Variants in ANKH observed in about 807,000 individuals in gnomAD.
The protein encoded by ANKH is mineralization regulator ANKH.
A neutral mutation model predicts 49.0 loss-of-function variants in ANKH; 15 were observed. The observed-to-expected ratio is 0.31, with a 90% CI of 0.20 to 0.47. ANKH has a LOEUF of 0.47. Ranked by LOEUF, ANKH falls within the 20% of genes least tolerant of loss-of-function variation. ANKH has a pLI of 1.00. For missense variants in ANKH, 429 were observed against 652.0 expected, an observed-to-expected ratio of 0.66 and a Z score of 3.72; for synonymous variants, 273 against 260.0, an observed-to-expected ratio of 1.05 and a Z score of -0.48.
At chr5:14,812,693 A>G (rs895746587) in intron 1 of ANKH, among the ~76,000 whole-genome samples, 1 of 152,148 alleles carries the variant, frequency 6.6e-6, no homozygotes, top group Non-Finnish European at 1.5e-5. Context: ...CAAGTTCCTT[A>G]CCTTCCACCC....
intron 1 of ANKH, among the ~76,000 whole-genome samples, chr5:14,793,357 C>A (rs73050632): frequency 6.6e-6 from 1 of 151,742 alleles, no homozygotes; most frequent in Non-Finnish European, 1.5e-5. Flanking sequence ...AAAGACCTAA[C>A]CCCTAAATGT....
chr5:14,813,588 T>A (rs1354068989), intron 1 of ANKH, among the ~76,000 whole-genome samples: 29 of 152,166 alleles, frequency 1.9e-4, no homozygotes. Flanking sequence ...TGATCTGTAC[T>A]GACGTGTGCC....
chr5:14,722,470 G>A (rs762056555), intron 8 of ANKH, among the ~76,000 whole-genome samples: 3 of 152,176 alleles, frequency 2.0e-5, no homozygotes, highest in Non-Finnish European at 4.4e-5. Context: ...CCAAGGCAGA[G>A]AATATGCAAG....
rs1187823252 is a variant in ANKH, at chr5:14,745,464, AAGAC to A, written c.915+402_915+405del. On this transcript the variant is annotated intron_variant, in intron 7 of 11. Coordinates refer to ENST00000284268, the MANE Select transcript of ANKH (RefSeq NM_054027.6). The surrounding 1 kb of genome is among the most constrained non-coding windows in gnomAD (Gnocchi z 4.7). ...GCATGTAGGTAGGCCAGCCCACAGA[AAGAC>A]AGCCACGCACGGCTTCCTGCCTACA... Among the ~76,000 whole-genome samples, 7 of 152,090 alleles carry A rather than the reference AAGAC, an allele frequency of 4.6e-5. No homozygotes were observed. The highest frequency in any genetic ancestry group is 1.4e-4 in the African/African-American group (6 of 41,408).
chr5:14,855,207 G>A (rs1305436201), intron 1 of ANKH, among the ~76,000 whole-genome samples: 3 of 152,218 alleles, frequency 2.0e-5, no homozygotes, highest in Non-Finnish European at 2.9e-5. Context: ...TGATTCTGGG[G>A]ATGGGCTAAG....
Position 14,711,230 on chromosome 5 carries a change from T to TGTCA in ANKH, c.1442_1445dup (p.Ile484ArgfsTer10), listed in dbSNP as rs1737179679. ...TCTCCTCTCTCATTTCCACGATGTC[T>TGTCA]GTCACCTCCTCTGTCGGAGGCATGT... On this transcript the variant is annotated frameshift_variant, in exon 12 of 12. Coordinates refer to ENST00000284268, the MANE Select transcript of ANKH (RefSeq NM_054027.6). LOFTEE classifies it high-confidence loss of function. 1 of 1,614,038 alleles carries TGTCA rather than the reference T, an allele frequency of 6.2e-7. No homozygotes were observed.
At chr5:14,863,655 A>C (rs968405281) in intron 1 of ANKH, among the ~76,000 whole-genome samples, 7 of 152,034 alleles carry the variant, frequency 4.6e-5, no homozygotes, top group African/African-American at 1.4e-4. Flanking sequence ...GTGTTCAAAA[A>C]ATACCTGATT....
At chr5:14,813,810 G>A (rs1001153022) in intron 1 of ANKH, among the ~76,000 whole-genome samples, 1 of 152,094 alleles carries the variant, frequency 6.6e-6, no homozygotes, top group East Asian at 1.9e-4. Flanking sequence ...TCCATCTTCA[G>A]AACCCATTAA....
chr5:14,755,756 G>A (rs972061180), intron 4 of ANKH, 105 bp downstream of exon 4: 26 of 1,074,064 alleles, frequency 2.4e-5, no homozygotes, highest in South Asian at 2.2e-4. Context: ...AAACCAGGTC[G>A]AATGCAGAGT....
At chr5:14,798,462 C>A in intron 1 of ANKH, 1 of 1,353,502 alleles carries the variant, frequency 7.4e-7, no homozygotes, top group African/African-American at 1.5e-5. Flanking sequence ...AGGGAGGCTG[C>A]AGGCGTTCGC....
chr5:14,709,836 T>TTGAAAA lies in ANKH; in HGVS notation c.*1355_*1360dup, dbSNP rs1435487853. ...ACCGTATTGTATTAGAGACATTTTATTGAAAATGCGAAAATAGGAAATGTA... is the reference window on the plus strand; with the variant it reads ...ACCGTATTGTATTAGAGACATTTTATTGAAAATGAAAATGCGAAAATAGGAAATGTA... On this transcript the variant is annotated 3_prime_UTR_variant, in exon 12 of 12. Transcript: ENST00000284268. The TTGAAAA allele has an allele frequency of 6.6e-6, 1 of 152,668 alleles. No homozygotes were observed. Among genetic ancestry groups the TTGAAAA allele is most frequent in the Admixed American group, 6.5e-5 (1 of 15,276 alleles). 9.5% of individuals were successfully genotyped at this position (152,668 alleles called of 1,614,324 possible).
chr5:14,835,382 A>G (rs1299381755), intron 1 of ANKH, among the ~76,000 whole-genome samples: 3 of 152,202 alleles, frequency 2.0e-5, no homozygotes, highest in African/African-American at 7.2e-5. Flanking sequence ...CCGTGCCCAC[A>G]GACAGGTTGA....
intron 1 of ANKH, among the ~76,000 whole-genome samples, chr5:14,868,215 A>C (rs1407932024): frequency 6.6e-6 from 1 of 152,170 alleles, no homozygotes; most frequent in Admixed American, 6.5e-5. Context: ...AATCTTATAC[A>C]TAGCTGGATT....
intron 8 of ANKH, among the ~76,000 whole-genome samples, chr5:14,727,205 GT>G (rs1737849526): frequency 6.6e-6 from 1 of 152,036 alleles, no homozygotes; most frequent in Non-Finnish European, 1.5e-5. Context: ...ATTACAAAGT[GT>G]TTATGTAGAA....
chr5:14,784,585 T>C lies in ANKH; in HGVS notation c.97-15394A>G, dbSNP rs546685955. Among the ~76,000 whole-genome samples, 3 of 152,318 alleles carry C rather than the reference T, an allele frequency of 2.0e-5. No homozygotes were observed. The East Asian group carries it at 5.8e-4, about 29-fold the overall frequency. On this transcript the variant is annotated intron_variant, in intron 1 of 11. Coordinates refer to ENST00000284268, the MANE Select transcript of ANKH (RefSeq NM_054027.6). ...GGCTACCTAGTTTGGGGAACTGTAG[T>C]GCCCTCATAAAGAACGTAAGTCATG...
At chr5:14,850,111 T>G (rs1360420155) in intron 1 of ANKH, among the ~76,000 whole-genome samples, 1 of 152,186 alleles carries the variant, frequency 6.6e-6, no homozygotes, top group Non-Finnish European at 1.5e-5. Context: ...ATAATTGTCT[T>G]TCAAAGTAGC....
chr5:14,802,222 C>T (rs1740585975), intron 1 of ANKH, among the ~76,000 whole-genome samples: 1 of 152,170 alleles, frequency 6.6e-6, no homozygotes. Context: ...TGACACTCCA[C>T]AAGGCTGTTC....
At chr5:14,791,093 G>A (rs1018454557) in intron 1 of ANKH, among the ~76,000 whole-genome samples, 11 of 152,196 alleles carry the variant, frequency 7.2e-5, no homozygotes, top group African/African-American at 2.7e-4. Flanking sequence ...AGGCCATTAA[G>A]CTATTAGTGG....
chr5:14,862,733 C>A lies in ANKH; in HGVS notation c.96+8619G>T, dbSNP rs1735533205. ...ATTTTGCTCTGTGCTGCTCTGTTTG[C>A]AAAGGTGTTTCACGTATGTTTTCTT... On this transcript the variant is annotated intron_variant, in intron 1 of 11. Coordinates refer to ENST00000284268, the MANE Select transcript of ANKH (RefSeq NM_054027.6). Among the ~76,000 whole-genome samples the A allele has an allele frequency of 2.0e-5, 3 of 152,172 alleles. No homozygotes were observed. The South Asian group carries it at 6.2e-4, about 32-fold the overall frequency.
Sources: allele counts gnomAD v4.1 joint callset (sites outside exome capture counted in the v4.1 genomes callset), GRCh38; gene constraint gnomAD v4.1.1; non-coding constraint Gnocchi (gnomAD v3.1); transcripts MANE v1.5; gene names NCBI Gene and HGNC (gene_info 2026-07-23, HGNC 2026-07-21).